The following FRMD4A variants were observed in gnomAD, a reference collection of about 807,000 sequenced individuals.
FRMD4A encodes FERM domain-containing protein 4A.
Under a neutral mutation model 129.1 loss-of-function variants are expected in FRMD4A, and 29 were observed. The observed-to-expected ratio is 0.22, with a 90% CI of 0.17 to 0.31. FRMD4A has a LOEUF of 0.31. FRMD4A is among the 10% of genes least tolerant of loss of function. FRMD4A has a pLI of 1.00. For missense variants in FRMD4A, 1,272 were observed against 1,375.8 expected (o/e 0.92, Z 1.19); for synonymous variants, 634 against 571.6 (o/e 1.11, Z -1.56).
intron 2 of FRMD4A, among the ~76,000 whole-genome samples, chr10:14,014,664 C>A (rs922240): frequency 6.6e-6 from 1 of 152,180 alleles, no homozygotes; most frequent in Non-Finnish European, 1.5e-5. Context: ...TCCGTAAGAA[C>A]AGGACCAAGA....
intron 3 of FRMD4A, among the ~76,000 whole-genome samples, chr10:13,848,408 T>A (rs1020976242): frequency 1.5e-4 from 23 of 152,058 alleles, no homozygotes; most frequent in African/African-American, 5.3e-4. Context: ...AATGAATACA[T>A]TTTACAACAG....
chr10:13,968,775 C>T (rs2095500412), intron 2 of FRMD4A, among the ~76,000 whole-genome samples: 1 of 152,150 alleles, frequency 6.6e-6, no homozygotes, highest in Non-Finnish European at 1.5e-5. Context: ...TTAATCCCTA[C>T]AATGCATGAA....
In FRMD4A at chr10:13,766,296, G is replaced by A. The variant is rs747917187; in HGVS notation, c.385-3616C>T. 3.9e-5 allele frequency among the ~76,000 whole-genome samples: 6 copies of A among 152,144 alleles called. No homozygotes were observed. In the South Asian group the frequency reaches 1.0e-3, roughly 26 times the overall value. ...CTTCTCTCTCACCATAGTTGTTCTC[G>A]GGTTAAGTGAGAACTGGCACCTTTA... On this transcript the variant is annotated intron_variant, in intron 6 of 24. Coordinates refer to ENST00000357447, the MANE Select transcript of FRMD4A (RefSeq NM_018027.5).
intron 2 of FRMD4A, among the ~76,000 whole-genome samples, chr10:14,158,501 T>C (rs376434602): frequency 3.9e-4 from 60 of 152,152 alleles, no homozygotes; most frequent in African/African-American, 1.3e-3. Flanking sequence ...TGGCCCCAGC[T>C]ACTCGAGAGC....
intron 2 of FRMD4A, among the ~76,000 whole-genome samples, chr10:14,278,007 T>C (rs1413311840): frequency 6.6e-6 from 1 of 152,212 alleles, no homozygotes; most frequent in Non-Finnish European, 1.5e-5. Flanking sequence ...CAGTGCCTTC[T>C]TCCCAACTGA....
intron 2 of FRMD4A, among the ~76,000 whole-genome samples, chr10:14,005,479 A>T (rs904142743): frequency 5.9e-5 from 9 of 152,116 alleles, no homozygotes; most frequent in Non-Finnish European, 1.3e-4. Context: ...TTTCAACTCA[A>T]CCTCTAGCAG....
intron 19 of FRMD4A, 60 bp from the exon 20 acceptor site, chr10:13,660,613 A>C: frequency 9.3e-7 from 1 of 1,079,698 alleles, no homozygotes; most frequent in African/African-American, 1.6e-5. Flanking sequence ...AGGCTGAGAC[A>C]GAACCCCTAC....
intron 2 of FRMD4A, among the ~76,000 whole-genome samples, chr10:14,206,693 G>T (rs1842789078): frequency 6.6e-6 from 1 of 151,404 alleles, no homozygotes; most frequent in South Asian, 2.1e-4. Context: ...TGTAATCCCA[G>T]CTACTCGGAA....
At chr10:13,728,738 T>G (rs2090102913) in intron 12 of FRMD4A, among the ~76,000 whole-genome samples, 1 of 151,726 alleles carries the variant, frequency 6.6e-6, no homozygotes, top group Non-Finnish European at 1.5e-5. Flanking sequence ...GCCCAGCTAA[T>G]TTTTGTATTT....
At chr10:14,244,973 C>T (rs938257867) in intron 2 of FRMD4A, among the ~76,000 whole-genome samples, 4 of 152,212 alleles carry the variant, frequency 2.6e-5, no homozygotes, top group Non-Finnish European at 4.4e-5. Flanking sequence ...TAATTAGGCA[C>T]GATCTTTCTG....
chr10:13,919,253 T>A (rs1264101226), intron 2 of FRMD4A, among the ~76,000 whole-genome samples: 4 of 152,250 alleles, frequency 2.6e-5, no homozygotes, highest in Non-Finnish European at 5.9e-5. Context: ...TGTCCGTGAC[T>A]TTGTTTATAC....
chr10:13,650,581 C>T (rs1485661486), intron 24 of FRMD4A, among the ~76,000 whole-genome samples: 1 of 152,190 alleles, frequency 6.6e-6, no homozygotes, highest in Non-Finnish European at 1.5e-5. Flanking sequence ...AAAGGCCATT[C>T]TTCCTACTTC....
intron 12 of FRMD4A, among the ~76,000 whole-genome samples, chr10:13,716,506 G>A (rs1247425716): frequency 6.6e-6 from 1 of 152,194 alleles, no homozygotes; most frequent in African/African-American, 2.4e-5. Flanking sequence ...CAGCACAGGA[G>A]ACAATGGCTA....
At chr10:13,730,980 A>C (rs1012371780) in intron 12 of FRMD4A, among the ~76,000 whole-genome samples, 7 of 151,542 alleles carry the variant, frequency 4.6e-5, no homozygotes, top group Non-Finnish European at 8.8e-5. Context: ...GTGAGCCAAT[A>C]TCGTGCCACT....
At chr10:14,250,776 A>G (rs1038898907) in intron 2 of FRMD4A, among the ~76,000 whole-genome samples, 1 of 152,178 alleles carries the variant, frequency 6.6e-6, no homozygotes, top group African/African-American at 2.4e-5. Context: ...ACATGGGCAC[A>G]GTGAGCAGAG....
intron 2 of FRMD4A, among the ~76,000 whole-genome samples, chr10:14,103,156 A>G (rs1837400936): frequency 6.6e-6 from 1 of 152,206 alleles, no homozygotes; most frequent in African/African-American, 2.4e-5. Context: ...CCTACTGCTG[A>G]AGTGAAGAGA....
intron 2 of FRMD4A, among the ~76,000 whole-genome samples, chr10:14,097,956 TTA>T (rs1263311409): frequency 4.9e-5 from 7 of 142,582 alleles, no homozygotes; most frequent in African/African-American, 1.5e-4. Flanking sequence ...TATATACAAA[TTA>T]TATATATTAT....
In FRMD4A at chr10:13,986,089, G is replaced by C. The variant is rs1405200291; in HGVS notation, c.46-127177C>G. 3.3e-5 allele frequency among the ~76,000 whole-genome samples: 5 copies of C among 152,176 alleles called. No individual in the cohort carries two copies. The East Asian group carries it at 9.6e-4, about 29-fold the overall frequency. On this transcript the variant is annotated intron_variant, in intron 2 of 24. Transcript: ENST00000357447. ...CTGCAGGCTCCCTTCCACAGGCGTA[G>C]ACATTACAGCCACGGCAGCAACCCT... is the stretch of plus-strand genomic sequence containing the variant.
At chr10:14,006,476 A>G (rs1003345432) in intron 2 of FRMD4A, among the ~76,000 whole-genome samples, 1 of 152,250 alleles carries the variant, frequency 6.6e-6, no homozygotes, top group African/African-American at 2.4e-5. Flanking sequence ...GTAACTGCCT[A>G]TATTTGAATT....
Sources: allele counts gnomAD v4.1 joint callset (sites outside exome capture counted in the v4.1 genomes callset), GRCh38; gene constraint gnomAD v4.1.1; transcripts MANE v1.5; gene names NCBI Gene and HGNC (gene_info 2026-07-23, HGNC 2026-07-21).